The following ARID4A variants were observed in gnomAD, a reference collection of about 807,000 sequenced individuals.
The protein encoded by ARID4A is AT-rich interactive domain-containing protein 4A.
In ARID4A, 39 loss-of-function variants were observed where a neutral mutation model predicts 148.6. The observed-to-expected ratio is 0.26, with a 90% confidence interval of 0.20 to 0.34. ARID4A has a LOEUF of 0.34. Among genes scored for constraint, ARID4A ranks in the 10% least tolerant of loss-of-function variants. ARID4A has a pLI of 1.00. For synonymous variants in ARID4A, 475 were observed against 481.2 expected, an observed-to-expected ratio of 0.99 and a Z score of 0.17; for missense variants, 1,265 against 1,449.1, an observed-to-expected ratio of 0.87 and a Z score of 2.06.
At chr14:58,299,736 C>A in intron 1 of ARID4A, 62 bp from the exon 2 acceptor site, 7 of 1,414,010 alleles carry the variant, frequency 5.0e-6, no homozygotes, top group Non-Finnish European at 5.0e-6. Flanking sequence ...TACTTTCTTT[C>A]CCTTGGTCGC....
intron 18 of ARID4A, among the ~76,000 whole-genome samples, 158 bp from the exon 19 acceptor site, chr14:58,360,743 A>G (rs1440205297): frequency 6.6e-6 from 1 of 152,256 alleles, no homozygotes; most frequent in African/African-American, 2.4e-5. Context: ...CTCTCAGACC[A>G]GCCAGAAAAC....
chr14:58,344,891 G>C, intron 12 of ARID4A, 124 bp downstream of exon 12: 1 of 749,940 alleles, frequency 1.3e-6, no homozygotes, highest in South Asian at 2.0e-5. Context: ...TATTTATTTT[G>C]AGGCAGGTTC....
chr14:58,370,800 A>G (rs1202718599), intron 23 of ARID4A, among the ~76,000 whole-genome samples: 2 of 151,902 alleles, frequency 1.3e-5, no homozygotes, highest in South Asian at 2.1e-4. Flanking sequence ...TTGTAGAGGC[A>G]TATTCTCACT....
intron 2 of ARID4A, among the ~76,000 whole-genome samples, chr14:58,300,337 G>A (rs1181923452): frequency 6.6e-6 from 1 of 150,738 alleles, no homozygotes; most frequent in African/African-American, 2.5e-5. Flanking sequence ...AATAGTTTTA[G>A]TTAAATCTTT....
chr14:58,301,067 T>C (rs2031124009), intron 2 of ARID4A, among the ~76,000 whole-genome samples: 1 of 152,230 alleles, frequency 6.6e-6, no homozygotes, highest in South Asian at 2.1e-4. Context: ...CTTAAAACCT[T>C]TCAAGTGCAG....
chr14:58,353,004 A>C (rs2140245832), intron 16 of ARID4A, among the ~76,000 whole-genome samples: 1 of 152,304 alleles, frequency 6.6e-6, no homozygotes, highest in Non-Finnish European at 1.5e-5. Flanking sequence ...AAATGACCTA[A>C]TACTCAAATT....
intron 17 of ARID4A, among the ~76,000 whole-genome samples, chr14:58,356,829 G>A (rs1365920241): frequency 6.6e-6 from 1 of 151,622 alleles, no homozygotes; most frequent in Non-Finnish European, 1.5e-5. Context: ...AGCCTCCCAA[G>A]TAGCTGGGAC....
At chr14:58,321,725 C>T (rs1473064310) in intron 7 of ARID4A, among the ~76,000 whole-genome samples, 2 of 151,900 alleles carry the variant, frequency 1.3e-5, no homozygotes, top group African/African-American at 4.8e-5. Flanking sequence ...TAATAAAAGA[C>T]CTCCGAGGAC....
At chr14:58,312,461 C>T (rs1311178603) in intron 5 of ARID4A, among the ~76,000 whole-genome samples, 3 of 152,176 alleles carry the variant, frequency 2.0e-5, no homozygotes, top group Non-Finnish European at 2.9e-5. Context: ...AGTGATCCAC[C>T]TGCCTCTGCC....
Position 58,366,136 on chromosome 14 carries a change from A to G in ARID4A, c.3429A>G (p.Arg1143=), listed in dbSNP as rs140813864. The G allele has an allele frequency of 1.1e-5, 18 of 1,613,758 alleles. No homozygotes were observed. In the African/African-American group the frequency reaches 2.3e-4, roughly 20 times the overall value. The part of the protein sequence containing the change: ...KPQKLARSPA[R]ISPHIKDGEK... ...AGAAACTTGCACGATCTCCTGCAAG[A>G]ATATCCCCGCACATCAAAGATGGAG... The change falls in exon 22 of 24, where the codon AGA becomes AGG. Residue 1143 remains arginine, a synonymous_variant. Coordinates refer to ENST00000355431, the MANE Select transcript of ARID4A (RefSeq NM_002892.4).
chr14:58,299,785 C>T lies in ARID4A; in HGVS notation c.-57-13C>T. The T allele has an allele frequency of 6.2e-7, 1 of 1,609,876 alleles. No individual in the cohort carries two copies. The highest frequency in any genetic ancestry group is 1.1e-5 in the South Asian group (1 of 90,938). On this transcript the variant is annotated splice_polypyrimidine_tract_variant and intron_variant, in intron 1 of 23. Coordinates refer to ENST00000355431, the MANE Select transcript of ARID4A (RefSeq NM_002892.4). ...CTGATTATGTCTGTGCCTGTCTTTC[C>T]CCCTCCCCATAGTTCTAGCGACTGC... is the stretch of plus-strand genomic sequence containing the variant.
chr14:58,299,033 C>T (rs543252901), intron 1 of ARID4A, among the ~76,000 whole-genome samples: 3 of 152,312 alleles, frequency 2.0e-5, no homozygotes, highest in African/African-American at 7.2e-5. Flanking sequence ...GGCGCGTCCA[C>T]CTCTGCGGAG....
intron 17 of ARID4A, among the ~76,000 whole-genome samples, chr14:58,354,688 T>TAAAAAAA (rs201953201): frequency 1.6e-5 from 2 of 123,438 alleles, no homozygotes; most frequent in African/African-American, 3.1e-5. Flanking sequence ...GTCTCATAAA[T>TAAAAAAA]AAAAAAAAAA....
rs146339141 is a variant in ARID4A, at chr14:58,335,714, T to C, written c.906+5545T>C. ...TATCCTTTCCCTGGCTGTCCTTAAT[T>C]CATTTTGATAAAAGCAACATCCACC... On this transcript the variant is annotated intron_variant, in intron 11 of 23. Coordinates refer to ENST00000355431, the MANE Select transcript of ARID4A (RefSeq NM_002892.4). Among the ~76,000 whole-genome samples, 432 of 152,300 alleles carry C rather than the reference T, an allele frequency of 2.8e-3. 1 individual carries two copies. Among genetic ancestry groups the C allele is most frequent in the Middle Eastern group, 6.8e-3 (2 of 294 alleles).
In ARID4A at chr14:58,310,343, T is replaced by C. The variant is rs567068576; in HGVS notation, c.274+4231T>C. Among the ~76,000 whole-genome samples, 92 of 152,234 alleles carry C rather than the reference T, an allele frequency of 6.0e-4. 1 individual carries two copies. Among genetic ancestry groups the C allele is most frequent in the Non-Finnish European group, 1.1e-3 (72 of 68,014 alleles). On this transcript the variant is annotated intron_variant, in intron 5 of 23. Transcript: ENST00000355431. ...CAATCTTGATCAAGAAGAACAAAACTGGAGACATACCACCTGATTTCAAAA... is the reference window on the plus strand; with the variant it reads ...CAATCTTGATCAAGAAGAACAAAACCGGAGACATACCACCTGATTTCAAAA...
intron 5 of ARID4A, among the ~76,000 whole-genome samples, chr14:58,318,179 A>G (rs937781733): frequency 6.6e-6 from 1 of 152,162 alleles, no homozygotes; most frequent in Admixed American, 6.6e-5. Context: ...ACTTTTGTGG[A>G]AAAATCCATA....
At chr14:58,359,107 C>G in intron 17 of ARID4A, 25 bp from the exon 18 acceptor site, 3 of 1,298,550 alleles carry the variant, frequency 2.3e-6, no homozygotes, top group Non-Finnish European at 3.1e-6. Context: ...TGTACAAACT[C>G]TTTTTTTTTT....
At chr14:58,348,482 C>T (rs2034481022) in intron 15 of ARID4A, among the ~76,000 whole-genome samples, 1 of 152,192 alleles carries the variant, frequency 6.6e-6, no homozygotes, top group Non-Finnish European at 1.5e-5. Context: ...CTTTATAGCA[C>T]ACTGTGTAGC....
At chr14:58,334,493 A>G (rs2033696341) in intron 11 of ARID4A, among the ~76,000 whole-genome samples, 1 of 152,188 alleles carries the variant, frequency 6.6e-6, no homozygotes, top group Non-Finnish European at 1.5e-5. Context: ...ACCACTCTAA[A>G]TTTTATGATT....
Sources: gnomAD v4.1 joint callset for allele counts (sites outside exome capture counted in the v4.1 genomes callset) on GRCh38, gnomAD v4.1.1 for gene constraint, MANE v1.5 for transcripts, NCBI Gene and HGNC (gene_info 2026-07-23, HGNC 2026-07-21) for gene names.